PLD1: variants seen among roughly 807,000 people sequenced by gnomAD.
PLD1 encodes choline phosphatase 1.
In PLD1, 112 loss-of-function variants were observed where a neutral mutation model predicts 137.1. That is an observed-to-expected ratio of 0.82 (90% CI 0.70 to 0.96). The LOEUF (loss-of-function observed/expected upper bound fraction) is 0.96, where lower values mean the gene tolerates loss of function less well. Among genes scored for constraint, PLD1 ranks in the 40% least tolerant of loss-of-function variants. The pLI, the probability that PLD1 is intolerant of heterozygous loss-of-function variation, is 0.00. For missense variants in PLD1, 1,321 were observed against 1,342.0 expected (o/e 0.98, Z 0.24); for synonymous variants, 431 against 454.7 (o/e 0.95, Z 0.66).
chr3:171,789,890 G>A (rs1308605197), intron 1 of PLD1: 1 of 152,112 alleles, frequency 6.6e-6, no homozygotes, highest in Admixed American at 6.5e-5. Context: ...GATGTGGCTG[G>A]GCTGAACCAC....
At chr3:171,629,146 T>C (rs1734422895) in intron 23 of PLD1, among the ~76,000 whole-genome samples, 1 of 151,442 alleles carries the variant, frequency 6.6e-6, no homozygotes, top group African/African-American at 2.4e-5. Context: ...CTTAAGCTGA[T>C]AAGCAACTTC....
intron 8 of PLD1, 24 bp from the exon 9 acceptor site, chr3:171,714,069 T>C: frequency 1.3e-6 from 2 of 1,495,824 alleles, no homozygotes; most frequent in South Asian, 2.3e-5. Context: ...GTAAGTATTT[T>C]TAAAAGTTGC....
intron 23 of PLD1, among the ~76,000 whole-genome samples, chr3:171,638,520 A>G (rs1268651302): frequency 6.6e-6 from 1 of 152,114 alleles, no homozygotes; most frequent in African/African-American, 2.4e-5. Flanking sequence ...TCTCCTATCT[A>G]TTTTTGGGGA....
In PLD1 at chr3:171,608,960, C is replaced by G. The variant is rs538542651; in HGVS notation, c.2882+3319G>C. ...TTCTCCAAAGATGACTAAAAGCCAA[C>G]AGGCAAACAAAATTTGCAACACATA... On this transcript the variant is annotated intron_variant, in intron 25 of 26. Coordinates refer to ENST00000351298, the MANE Select transcript of PLD1 (RefSeq NM_002662.5). Among the ~76,000 whole-genome samples the G allele has an allele frequency of 2.6e-5, 4 of 152,140 alleles. No individual in the cohort carries two copies. The East Asian group carries it at 5.8e-4, about 22-fold the overall frequency.
chr3:171,662,059 C>T lies in PLD1; in HGVS notation c.2340+1G>A. On this transcript the variant is annotated splice_donor_variant, in intron 20 of 26. Transcript: ENST00000351298. LOFTEE classifies it high-confidence loss of function. ...CACGAATTTACATGAGCAAGACTTA[C>T]TTCGATATAGATATAGTGCCTGCTG... The T allele has an allele frequency of 1.9e-6, 3 of 1,557,548 alleles. No individual in the cohort carries two copies. Among genetic ancestry groups the T allele is most frequent in the Non-Finnish European group, 2.7e-6 (3 of 1,129,694 alleles).
intron 16 of PLD1, among the ~76,000 whole-genome samples, chr3:171,679,717 C>A (rs1294027722): frequency 6.6e-6 from 1 of 152,152 alleles, no homozygotes; most frequent in Non-Finnish European, 1.5e-5. Flanking sequence ...TGAATTCAAC[C>A]TGCTCATAAT....
At chr3:171,634,520 G>A (rs1246813828) in intron 23 of PLD1, among the ~76,000 whole-genome samples, 1 of 152,082 alleles carries the variant, frequency 6.6e-6, no homozygotes, top group Non-Finnish European at 1.5e-5. Flanking sequence ...CTCTGTCCTA[G>A]ATACAATGAG....
chr3:171,635,901 C>T (rs1276556712), intron 23 of PLD1, among the ~76,000 whole-genome samples: 2 of 137,972 alleles, frequency 1.4e-5, no homozygotes, highest in African/African-American at 5.3e-5. Flanking sequence ...TTAGTTTTTA[C>T]ATTTAGGCCT....
intron 19 of PLD1, among the ~76,000 whole-genome samples, chr3:171,668,324 A>C (rs550451750): frequency 1.3e-5 from 2 of 152,334 alleles, no homozygotes; most frequent in African/African-American, 4.8e-5. Flanking sequence ...GAAATGGACA[A>C]GGTGGATTCC....
In PLD1 at chr3:171,689,769, T is replaced by C. The variant is rs1714961764; in HGVS notation, c.1339-893A>G. Among the ~76,000 whole-genome samples the C allele has an allele frequency of 3.3e-5, 5 of 152,232 alleles. No homozygotes were observed. In the South Asian group the frequency reaches 1.0e-3, roughly 32 times the overall value. On this transcript the variant is annotated intron_variant, in intron 13 of 26. Coordinates refer to ENST00000351298, the MANE Select transcript of PLD1 (RefSeq NM_002662.5). The stretch of plus-strand genomic sequence containing the variant: ...CTCCCACTTCAGCTTCCCAAAGCGC[T>C]GGGACTACATGCATGAGCCACCATA...
chr3:171,764,827 G>GAA (rs1721701586), intron 1 of PLD1, among the ~76,000 whole-genome samples: 6 of 63,406 alleles, frequency 9.5e-5, no homozygotes, highest in Admixed American at 9.4e-4. Flanking sequence ...GAAAGAAAGA[G>GAA]AAAGAAAGAA....
chr3:171,605,213 T>C lies in PLD1; in HGVS notation c.3000+86A>G, dbSNP rs118050766. 3.0e-5 allele frequency: 25 copies of C among 837,798 alleles called. No individual in the cohort carries two copies. In the East Asian group the frequency reaches 5.1e-4, roughly 17 times the overall value. 51.9% of individuals were successfully genotyped at this position (837,798 alleles called of 1,614,324 possible). ...TTTTACGTTTATTAAGAATACCCTGTACCAATAATATGCAGAAATAACAAT... is the reference window on the plus strand; with the variant it reads ...TTTTACGTTTATTAAGAATACCCTGCACCAATAATATGCAGAAATAACAAT... On this transcript the variant is annotated intron_variant, in intron 26 of 26. Coordinates refer to ENST00000351298, the MANE Select transcript of PLD1 (RefSeq NM_002662.5).
chr3:171,787,097 G>C (rs953337109), intron 1 of PLD1, among the ~76,000 whole-genome samples: 2 of 152,128 alleles, frequency 1.3e-5, no homozygotes, highest in African/African-American at 4.8e-5. Context: ...ACACAACAGA[G>C]AGTCAACCAA....
intron 23 of PLD1, among the ~76,000 whole-genome samples, chr3:171,629,454 T>C (rs1734458114): frequency 6.6e-6 from 1 of 152,164 alleles, no homozygotes; most frequent in Non-Finnish European, 1.5e-5. Context: ...AATTTATAGA[T>C]TCAATGCCAT....
At chr3:171,808,610 T>C (rs1394404016) in intron 1 of PLD1, among the ~76,000 whole-genome samples, 1 of 122,446 alleles carries the variant, frequency 8.2e-6, no homozygotes, top group Non-Finnish European at 1.7e-5. Context: ...CCTATAAGAG[T>C]TAAAGGTAAA....
Position 171,676,828 on chromosome 3 carries a change from T to A in PLD1, c.2002A>T (p.Ile668Phe), listed in dbSNP as rs150452354. The A allele has an allele frequency of 5.2e-4, 844 of 1,611,036 alleles. 7 individuals carry two copies. Among genetic ancestry groups the A allele is most frequent in the Admixed American group, 3.2e-4 (19 of 59,976 alleles). Residue 668 changes from isoleucine to phenylalanine, a missense_variant, in exon 18 of 27, where the codon ATT becomes TTT. Physicochemically the swap from Ile to Phe is conservative, Grantham distance 21. Coordinates refer to ENST00000351298, the MANE Select transcript of PLD1 (RefSeq NM_002662.5). ...ATCCGGGGCGTGGAGTACCTGTCAA[T>A]GAAATCTGCCCGGGTGCACCAGGCA... Reference protein sequence around the residue: ...VQLDKPFADFIDRYSTPRMPW... With the variant: ...VQLDKPFADFFDRYSTPRMPW...
chr3:171,772,015 A>G (rs879632691), intron 1 of PLD1, among the ~76,000 whole-genome samples: 8 of 152,246 alleles, frequency 5.3e-5, no homozygotes, highest in Non-Finnish European at 8.8e-5. Context: ...TTTAAAATGG[A>G]ACTTAATACC....
At chr3:171,755,255 C>T (rs62281883) in intron 1 of PLD1, among the ~76,000 whole-genome samples, 6,125 of 152,064 alleles carry the variant, frequency 0.04, 183 homozygotes, top group Middle Eastern at 0.1. Context: ...TGTCTACTTC[C>T]TCCTTCTAGT....
chr3:171,774,111 A>T (rs1722508737), intron 1 of PLD1, among the ~76,000 whole-genome samples: 1 of 151,528 alleles, frequency 6.6e-6, no homozygotes, highest in African/African-American at 2.4e-5. Context: ...CACTGCCAAG[A>T]TCACACAGTT....
Sources: gnomAD v4.1 joint callset for allele counts (sites outside exome capture counted in the v4.1 genomes callset) on GRCh38, gnomAD v4.1.1 for gene constraint, MANE v1.5 for transcripts, NCBI Gene and HGNC (gene_info 2026-07-23, HGNC 2026-07-21) for gene names.